Variants in PLGRKT observed in about 807,000 individuals in gnomAD.
PLGRKT encodes the protein plasminogen receptor with a C-terminal lysine.
Under a neutral mutation model 18.5 loss-of-function variants are expected in PLGRKT, and 22 were observed. That is an observed-to-expected ratio of 1.19 (90% CI 0.85 to 1.70). PLGRKT has a LOEUF of 1.70. Among genes scored for constraint, PLGRKT ranks in the 40% most tolerant of loss-of-function variants. The pLI is 0.00. For synonymous variants in PLGRKT, 72 were observed against 52.8 expected, an observed-to-expected ratio of 1.36 and a Z score of -1.58; for missense variants, 235 against 174.4, an observed-to-expected ratio of 1.35 and a Z score of -1.96.
chr9:5,418,528 G>A lies in PLGRKT; in HGVS notation c.81+13369C>T, dbSNP rs563250454. On this transcript the variant is annotated intron_variant, in intron 3 of 5. Transcript: ENST00000223864. The surrounding 1 kb of genome is among the most constrained non-coding windows in gnomAD (Gnocchi z 4.2). ...GCCCCGCCTGTCCTGCTCCTCCTCC[G>A]CCACCCCCTGGGGAGCCCTGCCTTG... 1.4e-5 allele frequency: 13 copies of A among 961,220 alleles called. No homozygotes were observed. Among genetic ancestry groups the A allele is most frequent in the East Asian group, 1.0e-4 (4 of 38,182 alleles). The allele number at this position is 961,220 out of a possible 1,614,324, so 59.5% of individuals were successfully genotyped here. A position where few individuals can be genotyped will look rare whatever the true frequency, so the allele number is the denominator to read the frequency against.
intron 3 of PLGRKT, among the ~76,000 whole-genome samples, chr9:5,406,831 C>G (rs974628804): frequency 2.0e-5 from 3 of 152,128 alleles, no homozygotes; most frequent in African/African-American, 7.2e-5. Context: ...GAATTCACCA[C>G]TATAGAATTC....
rs1818497748 is a variant in PLGRKT at position 5,418,042 on chromosome 9, T to C, written c.81+13855A>G. ...GATCACATTGTACGCACTTGTGGAG[T>C]TTAACGTCTAAGTAGAATATGTCTA... On this transcript the variant is annotated intron_variant, in intron 3 of 5. Transcript: ENST00000223864. The surrounding 1 kb of genome is among the most constrained non-coding windows in gnomAD (Gnocchi z 4.2). Among the ~76,000 whole-genome samples, 1 of 152,208 alleles carries C rather than the reference T, an allele frequency of 6.6e-6. No individual in the cohort carries two copies. The highest frequency in any genetic ancestry group is 2.4e-5 in the African/African-American group (1 of 41,446).
intron 5 of PLGRKT, among the ~76,000 whole-genome samples, chr9:5,360,081 T>C (rs1358144653): frequency 2.0e-5 from 3 of 152,136 alleles, no homozygotes; most frequent in Non-Finnish European, 4.4e-5. Flanking sequence ...CACTAATGAG[T>C]AGGACAAAAG....
At chr9:5,420,566 T>G (rs976078285) in intron 3 of PLGRKT, among the ~76,000 whole-genome samples, 6 of 152,172 alleles carry the variant, frequency 3.9e-5, no homozygotes, top group African/African-American at 1.4e-4. Flanking sequence ...AAGTCATGCA[T>G]GTACACCCAC....
At chr9:5,379,809 A>G (rs1817702192) in intron 3 of PLGRKT, among the ~76,000 whole-genome samples, 3 of 152,344 alleles carry the variant, frequency 2.0e-5, no homozygotes, top group South Asian at 4.1e-4. Context: ...TTTTTGGGAA[A>G]GCAGAAGAGT....
chr9:5,417,170 C>G (rs2131153652), intron 3 of PLGRKT, among the ~76,000 whole-genome samples: 1 of 152,300 alleles, frequency 6.6e-6, no homozygotes, highest in African/African-American at 2.4e-5. Context: ...TCAAGATGCA[C>G]TTTTCAAAGG....
intron 3 of PLGRKT, among the ~76,000 whole-genome samples, chr9:5,381,523 T>C (rs1490343062): frequency 6.6e-6 from 1 of 152,240 alleles, no homozygotes; most frequent in Non-Finnish European, 1.5e-5. Flanking sequence ...TTTCAGAGGA[T>C]GTACAGACAT....
intron 3 of PLGRKT, among the ~76,000 whole-genome samples, chr9:5,424,485 AATAT>A (rs1180193350): frequency 7.9e-6 from 1 of 127,012 alleles, no homozygotes; most frequent in Non-Finnish European, 1.6e-5. Context: ...TATAAAATAT[AATAT>A]ATATTATTAA....
At chr9:5,393,077 G>A (rs1359066088) in intron 3 of PLGRKT, among the ~76,000 whole-genome samples, 1 of 151,564 alleles carries the variant, frequency 6.6e-6, no homozygotes, top group African/African-American at 2.4e-5. Context: ...TCTGACCTCA[G>A]GTGATCCACC....
At chr9:5,368,262 C>CA (rs1454178496) in intron 3 of PLGRKT, among the ~76,000 whole-genome samples, 6 of 152,028 alleles carry the variant, frequency 3.9e-5, no homozygotes, top group Non-Finnish European at 7.4e-5. Flanking sequence ...AATAATTTGA[C>CA]AAAAAAGACG....
chr9:5,430,245 A>G (rs10815222), intron 3 of PLGRKT, among the ~76,000 whole-genome samples: 79,681 of 152,112 alleles, frequency 0.52, 24,250 homozygotes, highest in Non-Finnish European at 0.67. Context: ...GTAAAATCCC[A>G]GACCCTTCAC....
intron 2 of PLGRKT, among the ~76,000 whole-genome samples, chr9:5,436,321 C>T (rs994850863): frequency 5.9e-5 from 9 of 152,214 alleles, no homozygotes; most frequent in South Asian, 4.1e-4. Context: ...GCTCAGGCCA[C>T]TTGCCATTAC....
intron 3 of PLGRKT, among the ~76,000 whole-genome samples, chr9:5,426,102 T>A (rs74465341): frequency 6.6e-6 from 1 of 152,168 alleles, no homozygotes; most frequent in Non-Finnish European, 1.5e-5. Flanking sequence ...GTCAAGTCCA[T>A]GCCATTTTCA....
At chr9:5,366,526 G>C (rs1310321791) in intron 3 of PLGRKT, among the ~76,000 whole-genome samples, 2 of 152,018 alleles carry the variant, frequency 1.3e-5, no homozygotes, top group Non-Finnish European at 2.9e-5. Flanking sequence ...TTAACAATTA[G>C]AGAACCACAA....
chr9:5,431,924 C>G lies in PLGRKT; in HGVS notation c.54G>C (p.Glu18Asp). ...SMNESMKNQK[E>D]FMLMNARLQL... ...GAAGTCGAGCATTCATAAGCATGAA[C>G]TCCTTTTGATTTTTCATGCTTTCAT... is the stretch of plus-strand genomic sequence containing the variant. The change falls in exon 3 of 6, where the codon GAG becomes GAC. Residue 18 changes from glutamate (E) to aspartate (D), a missense_variant. Physicochemically the swap from Glu to Asp is conservative, Grantham distance 45. Transcript: ENST00000223864. The G allele has an allele frequency of 6.5e-7, 1 of 1,540,764 alleles. No individual in the cohort carries two copies. Among genetic ancestry groups the G allele is most frequent in the Non-Finnish European group, 9.0e-7 (1 of 1,114,414 alleles).
At chr9:5,365,594 A>C (rs369284010) in intron 3 of PLGRKT, among the ~76,000 whole-genome samples, 32 of 152,166 alleles carry the variant, frequency 2.1e-4, no homozygotes, top group Admixed American at 2.1e-3. Flanking sequence ...AAGAAGACTA[A>C]ATGTCATGTG....
intron 3 of PLGRKT, among the ~76,000 whole-genome samples, chr9:5,364,668 A>G (rs1817343811): frequency 6.6e-6 from 1 of 152,242 alleles, no homozygotes; most frequent in African/African-American, 2.4e-5. Context: ...GTAAAACTAA[A>G]GACAAAGGAC....
intron 3 of PLGRKT, among the ~76,000 whole-genome samples, chr9:5,413,913 C>G (rs1182002563): frequency 6.6e-6 from 1 of 152,114 alleles, no homozygotes; most frequent in Non-Finnish European, 1.5e-5. Flanking sequence ...CCAGGATATA[C>G]TGCTAAATGA....
intron 3 of PLGRKT, among the ~76,000 whole-genome samples, chr9:5,381,342 G>C (rs1817741559): frequency 6.6e-6 from 1 of 152,242 alleles, no homozygotes; most frequent in African/African-American, 2.4e-5. Context: ...TTGGGACATG[G>C]TGCCCTGCAT....
Sources: gnomAD v4.1 joint callset for allele counts (sites outside exome capture counted in the v4.1 genomes callset) on GRCh38, gnomAD v4.1.1 for gene constraint, Gnocchi (gnomAD v3.1) non-coding constraint, MANE v1.5 for transcripts, NCBI Gene and HGNC (gene_info 2026-07-23, HGNC 2026-07-21) for gene names.